Variants in CCSER1 observed in about 807,000 individuals in gnomAD.
CCSER1 encodes serine-rich coiled-coil domain-containing protein 1.
A neutral mutation model predicts 82.0 loss-of-function variants in CCSER1; 41 were observed. That is an observed-to-expected ratio of 0.50 (90% CI 0.39 to 0.65). CCSER1 has a LOEUF of 0.65. Among genes scored for constraint, CCSER1 ranks in the 30% least tolerant of loss-of-function variants. The pLI is 0.00. For missense variants in CCSER1, 1,119 were observed against 1,064.2 expected, an observed-to-expected ratio of 1.05 and a Z score of -0.72; for synonymous variants, 414 against 383.9, an observed-to-expected ratio of 1.08 and a Z score of -0.92.
chr4:91,509,999 C>A (rs527850729), intron 10 of CCSER1, among the ~76,000 whole-genome samples: 1 of 152,042 alleles, frequency 6.6e-6, no homozygotes, highest in African/African-American at 2.4e-5. Flanking sequence ...AACCCATTGC[C>A]CCCTCTCTCC....
At chr4:90,787,316 G>A (rs1267588613) in intron 7 of CCSER1, among the ~76,000 whole-genome samples, 1 of 152,132 alleles carries the variant, frequency 6.6e-6, no homozygotes, top group Admixed American at 6.6e-5. Context: ...GAGATCTAAT[G>A]CACCCATTAT....
At chr4:90,835,304 C>T (rs1273668945) in intron 8 of CCSER1, among the ~76,000 whole-genome samples, 1 of 151,976 alleles carries the variant, frequency 6.6e-6, no homozygotes, top group Non-Finnish European at 1.5e-5. Context: ...GCACTCTAGC[C>T]CGGGCGACAG....
intron 6 of CCSER1, among the ~76,000 whole-genome samples, chr4:90,697,085 G>C (rs6842733): frequency 6.6e-6 from 1 of 152,154 alleles, no homozygotes; most frequent in African/African-American, 2.4e-5. Flanking sequence ...CTGTGGCTGC[G>C]TGTAAGGAAC....
chr4:90,227,570 C>A (rs1337708803), intron 1 of CCSER1, among the ~76,000 whole-genome samples: 1 of 152,126 alleles, frequency 6.6e-6, no homozygotes, highest in Admixed American at 6.5e-5. Context: ...ATTTTCCGAG[C>A]AAGTAGCATT....
intron 10 of CCSER1, among the ~76,000 whole-genome samples, chr4:91,243,282 A>G (rs1170776083): frequency 2.0e-5 from 3 of 152,166 alleles, no homozygotes; most frequent in East Asian, 3.9e-4. Flanking sequence ...AAGCCTCACC[A>G]CTTTGGGCTG....
chr4:90,220,652 G>A (rs1467993274), intron 1 of CCSER1, among the ~76,000 whole-genome samples: 1 of 152,086 alleles, frequency 6.6e-6, no homozygotes, highest in Non-Finnish European at 1.5e-5. Flanking sequence ...GTCTCTCCTG[G>A]CCAATCTTGT....
At chr4:91,366,196 T>C (rs1403266157) in intron 10 of CCSER1, among the ~76,000 whole-genome samples, 1 of 152,102 alleles carries the variant, frequency 6.6e-6, no homozygotes, top group Non-Finnish European at 1.5e-5. Flanking sequence ...ATTTTTTGTA[T>C]TTTTAGTAGA....
intron 10 of CCSER1, among the ~76,000 whole-genome samples, chr4:91,203,563 T>C (rs1350566166): frequency 6.6e-6 from 1 of 151,690 alleles, no homozygotes; most frequent in Non-Finnish European, 1.5e-5. Context: ...CATAGATTAG[T>C]AAAATAGATC....
chr4:91,538,915 T>C (rs1761448298), intron 10 of CCSER1, among the ~76,000 whole-genome samples: 1 of 151,906 alleles, frequency 6.6e-6, no homozygotes, highest in Admixed American at 6.6e-5. Context: ...ACCTTTACTG[T>C]ATTGACAGTC....
chr4:90,524,370 G>T (rs1267601159), intron 5 of CCSER1, among the ~76,000 whole-genome samples: 1 of 152,210 alleles, frequency 6.6e-6, no homozygotes, highest in African/African-American at 2.4e-5. Context: ...AACAGCTGGA[G>T]CAGAGCTAGC....
At chr4:90,579,745 G>A (rs962340543) in intron 5 of CCSER1, among the ~76,000 whole-genome samples, 1 of 152,084 alleles carries the variant, frequency 6.6e-6, no homozygotes, top group African/African-American at 2.4e-5. Flanking sequence ...AGATATTGAG[G>A]AATAGTATTG....
intron 5 of CCSER1, among the ~76,000 whole-genome samples, chr4:90,504,160 A>C (rs563213373): frequency 1.3e-5 from 2 of 152,112 alleles, no homozygotes; most frequent in East Asian, 3.8e-4. Flanking sequence ...TTTCAATAAG[A>C]TCATATCTTC....
At chr4:90,708,360 G>A (rs528335718) in intron 6 of CCSER1, among the ~76,000 whole-genome samples, 79 of 152,240 alleles carry the variant, frequency 5.2e-4, no homozygotes, top group African/African-American at 1.8e-3. Context: ...ATGTGATCCT[G>A]CTAGCAAAAG....
At chr4:90,894,612 C>T (rs572559864) in intron 8 of CCSER1, among the ~76,000 whole-genome samples, 37 of 152,002 alleles carry the variant, frequency 2.4e-4, no homozygotes, top group African/African-American at 8.4e-4. Context: ...TTCTTCTCAA[C>T]TTGCTTCTCC....
chr4:91,604,246 C>T lies in CCSER1; in HGVS notation c.*5189C>T, dbSNP rs1423447213. 6.6e-6 allele frequency: 1 copy of T among 152,018 alleles called. No individual in the cohort carries two copies. Among genetic ancestry groups the T allele is most frequent in the Non-Finnish European group, 1.5e-5 (1 of 67,960 alleles). 9.4% of individuals were successfully genotyped at this position (152,018 alleles called of 1,614,324 possible). ...TGCTTATCTCCAGAATAGGATCTCTCCTAAGGAGGCAGAGTGATTTAAACA... is the reference window on the plus strand; with the variant it reads ...TGCTTATCTCCAGAATAGGATCTCTTCTAAGGAGGCAGAGTGATTTAAACA... On this transcript the variant is annotated 3_prime_UTR_variant, in exon 11 of 11. Transcript: ENST00000509176.
At chr4:91,175,852 G>T (rs1011243835) in intron 10 of CCSER1, among the ~76,000 whole-genome samples, 1 of 152,038 alleles carries the variant, frequency 6.6e-6, no homozygotes, top group Non-Finnish European at 1.5e-5. Flanking sequence ...GTCAATTTTG[G>T]CTTTTGTTGC....
chr4:91,294,551 T>C (rs1744014809), intron 10 of CCSER1, among the ~76,000 whole-genome samples: 1 of 151,800 alleles, frequency 6.6e-6, no homozygotes, highest in Non-Finnish European at 1.5e-5. Flanking sequence ...AAAATCAGGA[T>C]GGCAACAGGG....
rs1241418693 is a variant in CCSER1 at position 90,461,359 on chromosome 4, G to A, written c.1604-6875G>A. ...TGGGATTACAGGCGTGAGCCACCGCGCCCGGCCCGGCTATTTTTAAAAATA... is the reference window on the plus strand; with the variant it reads ...TGGGATTACAGGCGTGAGCCACCGCACCCGGCCCGGCTATTTTTAAAAATA... On this transcript the variant is annotated intron_variant, in intron 4 of 10. Transcript: ENST00000509176. Among the ~76,000 whole-genome samples, 2 of 117,042 alleles carry A rather than the reference G, an allele frequency of 1.7e-5. 1 individual carries two copies. Among genetic ancestry groups the A allele is most frequent in the Non-Finnish European group, 3.4e-5 (2 of 58,440 alleles). The allele number at this position is 117,042 out of a possible 152,430, so 76.8% of individuals were successfully genotyped here.
At chr4:91,507,012 C>A (rs1287837166) in intron 10 of CCSER1, among the ~76,000 whole-genome samples, 3 of 152,070 alleles carry the variant, frequency 2.0e-5, no homozygotes, top group African/African-American at 7.2e-5. Flanking sequence ...ATGGATATAA[C>A]ATTTTATGTA....
Sources: gnomAD v4.1 joint callset for allele counts (sites outside exome capture counted in the v4.1 genomes callset) on GRCh38, gnomAD v4.1.1 for gene constraint, MANE v1.5 for transcripts, NCBI Gene and HGNC (gene_info 2026-07-23, HGNC 2026-07-21) for gene names.